Variants in TMEM163 observed in about 807,000 individuals in gnomAD.
The protein encoded by TMEM163 is transmembrane protein 163.
Under a neutral mutation model 29.3 loss-of-function variants are expected in TMEM163, and 17 were observed. That is an observed-to-expected ratio of 0.58 (90% CI 0.40 to 0.87). TMEM163 has a LOEUF of 0.87. TMEM163 is among the 40% of genes least tolerant of loss of function. The pLI is 0.00. For missense variants in TMEM163, 303 were observed against 381.5 expected (o/e 0.79, Z 1.71); for synonymous variants, 157 against 160.6 (o/e 0.98, Z 0.17).
intron 4 of TMEM163, among the ~76,000 whole-genome samples, chr2:134,522,653 T>C (rs1680212430): frequency 6.6e-6 from 1 of 152,232 alleles, no homozygotes; most frequent in African/African-American, 2.4e-5. Context: ...GAAGCAGCCT[T>C]GTAAGGACAG....
intron 2 of TMEM163, among the ~76,000 whole-genome samples, chr2:134,646,413 T>C (rs1198215082): frequency 6.6e-6 from 1 of 151,940 alleles, no homozygotes; most frequent in Non-Finnish European, 1.5e-5. Context: ...GTTGGTTTGC[T>C]TCTTTTCAGC....
chr2:134,526,179 G>A (rs1459263433), intron 4 of TMEM163, among the ~76,000 whole-genome samples: 1 of 152,160 alleles, frequency 6.6e-6, no homozygotes, highest in East Asian at 1.9e-4. Flanking sequence ...TTTTACCTTC[G>A]CATTTCACAC....
chr2:134,517,202 A>G (rs1434929089), intron 4 of TMEM163, among the ~76,000 whole-genome samples: 1 of 152,222 alleles, frequency 6.6e-6, no homozygotes, highest in African/African-American at 2.4e-5. Flanking sequence ...TTCTGTGGAC[A>G]TGAATTCCCT....
At chr2:134,644,135 C>T (rs769875188) in intron 2 of TMEM163, among the ~76,000 whole-genome samples, 6 of 152,006 alleles carry the variant, frequency 3.9e-5, no homozygotes, top group Non-Finnish European at 5.9e-5. Context: ...AATGGAGAGA[C>T]ATACTGCATT....
intron 2 of TMEM163, among the ~76,000 whole-genome samples, chr2:134,607,033 G>A (rs111447135): frequency 3.7e-5 from 5 of 135,030 alleles, no homozygotes; most frequent in South Asian, 2.8e-4. Context: ...AACTGTGCTG[G>A]TGAAAAGGAC....
At chr2:134,462,517 C>T (rs372530887) in intron 6 of TMEM163, among the ~76,000 whole-genome samples, 5 of 152,190 alleles carry the variant, frequency 3.3e-5, no homozygotes, top group East Asian at 3.9e-4. Context: ...GCCTGAAGGA[C>T]GGCTCTTCCC....
chr2:134,497,568 C>G (rs999743623), intron 5 of TMEM163, among the ~76,000 whole-genome samples: 1 of 152,130 alleles, frequency 6.6e-6, no homozygotes, highest in African/African-American at 2.4e-5. Flanking sequence ...ACTTCTAGAA[C>G]CTTAAATTTA....
In TMEM163 at chr2:134,516,949, C is replaced by T. The variant is rs558827539; in HGVS notation, c.459-13952G>A. 1.1e-3 allele frequency among the ~76,000 whole-genome samples: 164 copies of T among 152,060 alleles called. 2 individuals are homozygous for T. Among genetic ancestry groups the T allele is most frequent in the Admixed American group, 0.01 (154 of 15,260 alleles). The stretch of plus-strand genomic sequence containing the variant: ...GGCAAACGTGAAGGGAGGTTGTGAG[C>T]TGTAATTAATGGTTATGTGTTTAGT... On this transcript the variant is annotated intron_variant, in intron 4 of 7. Transcript: ENST00000281924.
chr2:134,580,665 A>C (rs1467822832), intron 2 of TMEM163, among the ~76,000 whole-genome samples: 2 of 152,226 alleles, frequency 1.3e-5, no homozygotes, highest in East Asian at 3.8e-4. Context: ...GAATCCCAGC[A>C]CTTTGGGAGG....
chr2:134,616,725 T>C (rs1682616064), intron 2 of TMEM163, among the ~76,000 whole-genome samples: 1 of 152,204 alleles, frequency 6.6e-6, no homozygotes, highest in South Asian at 2.1e-4. Flanking sequence ...AATTACCTGG[T>C]TTTGATATTG....
At chr2:134,495,043 T>C (rs1400048416) in intron 5 of TMEM163, among the ~76,000 whole-genome samples, 1 of 152,134 alleles carries the variant, frequency 6.6e-6, no homozygotes, top group African/African-American at 2.4e-5. Flanking sequence ...AGGGTTGCCG[T>C]GAAGAATCTA....
intron 2 of TMEM163, among the ~76,000 whole-genome samples, chr2:134,626,702 C>G (rs1682860361): frequency 6.6e-6 from 1 of 152,178 alleles, no homozygotes; most frequent in South Asian, 2.1e-4. Flanking sequence ...AATTATTCAG[C>G]CTATCACAAG....
At chr2:134,459,216 C>A (rs1372693766) in intron 6 of TMEM163, 1 of 152,248 alleles carries the variant, frequency 6.6e-6, no homozygotes, top group Non-Finnish European at 1.5e-5. Context: ...ATGACCTGAG[C>A]AAATCTACTC....
intron 4 of TMEM163, among the ~76,000 whole-genome samples, chr2:134,534,249 T>G (rs781560712): frequency 1.1e-4 from 16 of 146,276 alleles, no homozygotes; most frequent in Non-Finnish European, 2.4e-4. Flanking sequence ...CTGATAGGAC[T>G]CTGATTGATA....
At chr2:134,521,288 C>T (rs764730217) in intron 4 of TMEM163, among the ~76,000 whole-genome samples, 57 of 152,180 alleles carry the variant, frequency 3.7e-4, no homozygotes, top group Non-Finnish European at 7.2e-4. Context: ...TGAGCCACCA[C>T]GCCCAGCCAG....
At chr2:134,630,254 C>T (rs760559879) in intron 2 of TMEM163, among the ~76,000 whole-genome samples, 1 of 151,622 alleles carries the variant, frequency 6.6e-6, no homozygotes, top group Non-Finnish European at 1.5e-5. Context: ...CGAGACAACA[C>T]ATGATAAGTC....
At chr2:134,465,198 A>AAAAACAAAAAC (rs1553471770) in intron 6 of TMEM163, among the ~76,000 whole-genome samples, 8 of 144,364 alleles carry the variant, frequency 5.5e-5, no homozygotes, top group African/African-American at 2.0e-4. Flanking sequence ...TTAAAAAAAA[A>AAAAACAAAAAC]AAAAACAAAA....
intron 4 of TMEM163, among the ~76,000 whole-genome samples, chr2:134,535,914 G>T (rs1370611247): frequency 6.6e-6 from 1 of 151,950 alleles, no homozygotes; most frequent in African/African-American, 2.4e-5. Context: ...GTAGAGACAG[G>T]GTTTCGCCAT....
intron 2 of TMEM163, among the ~76,000 whole-genome samples, chr2:134,611,511 A>G (rs866770964): frequency 2.6e-5 from 4 of 152,204 alleles, no homozygotes; most frequent in African/African-American, 9.7e-5. Context: ...GTATGATCTC[A>G]CCACAGTGCA....
Sources: allele counts gnomAD v4.1 joint callset (sites outside exome capture counted in the v4.1 genomes callset), GRCh38; gene constraint gnomAD v4.1.1; transcripts MANE v1.5; gene names NCBI Gene and HGNC (gene_info 2026-07-23, HGNC 2026-07-21).